Variants in CSGALNACT1 observed in about 807,000 individuals in gnomAD.
CSGALNACT1 encodes beta4GalNAcT-1.
A neutral mutation model predicts 51.0 loss-of-function variants in CSGALNACT1; 52 were observed. The observed-to-expected ratio is 1.02, with a 90% CI of 0.82 to 1.29. The LOEUF is 1.29. CSGALNACT1 is among the 50% of genes most tolerant of loss of function. The pLI is 0.00. For synonymous variants in CSGALNACT1, 341 were observed against 254.4 expected, an observed-to-expected ratio of 1.34 and a Z score of -3.24; for missense variants, 935 against 679.2, an observed-to-expected ratio of 1.38 and a Z score of -4.19.
chr8:19,431,808 TTTTTC>T (rs930229568), intron 6 of CSGALNACT1, among the ~76,000 whole-genome samples: 2 of 112,378 alleles, frequency 1.8e-5, no homozygotes, highest in African/African-American at 5.5e-5. Context: ...GGAAAGTTCT[TTTTTC>T]TTTTTTTTTT....
chr8:19,718,292 G>A (rs1346712225), intron 1 of CSGALNACT1, among the ~76,000 whole-genome samples: 1 of 151,986 alleles, frequency 6.6e-6, no homozygotes, highest in East Asian at 1.9e-4. Flanking sequence ...AGTAGAGATG[G>A]GGTTGTACCA....
rs575813211 is a variant in CSGALNACT1 at position 19,465,677 on chromosome 8, T to G, written c.635-7035A>C. ...GCCGTCTCTCTTCTTCAGGCACTTC[T>G]GTCTTAGAGCTTTAAACTCTCTTCC... On this transcript the variant is annotated intron_variant, in intron 4 of 9. Coordinates refer to ENST00000454498, the Ensembl canonical transcript of CSGALNACT1. 2.5e-3 allele frequency among the ~76,000 whole-genome samples: 375 copies of G among 152,330 alleles called. 2 individuals are homozygous for G. The highest frequency in any genetic ancestry group is 8.6e-3 in the African/African-American group (359 of 41,576).
chr8:19,727,535 G>C (rs1370137923), intron 1 of CSGALNACT1, among the ~76,000 whole-genome samples: 1 of 152,088 alleles, frequency 6.6e-6, no homozygotes, highest in Non-Finnish European at 1.5e-5. Flanking sequence ...ATTTTGTGTA[G>C]AGATGGGGTT....
At chr8:19,742,653 C>T (rs1314920496) in intron 1 of CSGALNACT1, among the ~76,000 whole-genome samples, 2 of 152,176 alleles carry the variant, frequency 1.3e-5, no homozygotes, top group Non-Finnish European at 2.9e-5. Context: ...TAACAATATG[C>T]CAATGAAAAA....
At chr8:19,423,992 CCTG>C (rs770304360) in intron 6 of CSGALNACT1, among the ~76,000 whole-genome samples, 4 of 152,174 alleles carry the variant, frequency 2.6e-5, no homozygotes, top group Non-Finnish European at 4.4e-5. Context: ...CCTCGGCTTG[CCTG>C]TTCTCCCTGC....
Position 19,475,294 on chromosome 8 carries a change from C to T in CSGALNACT1, c.635-16652G>A, listed in dbSNP as rs539015661. Among the ~76,000 whole-genome samples the T allele has an allele frequency of 2.0e-5, 3 of 152,254 alleles. No individual in the cohort carries two copies. The East Asian group carries it at 5.8e-4, about 29-fold the overall frequency. On this transcript the variant is annotated intron_variant, in intron 4 of 9. Coordinates refer to ENST00000454498, the Ensembl canonical transcript of CSGALNACT1. ...TGCAGTAAGACCTGAAGCTGAAGGGCCAAGAAGGCAGCCTGTGAGTCACAT... is the reference window on the plus strand; with the variant it reads ...TGCAGTAAGACCTGAAGCTGAAGGGTCAAGAAGGCAGCCTGTGAGTCACAT...
At chr8:19,720,854 C>T (rs1030104566) in intron 1 of CSGALNACT1, among the ~76,000 whole-genome samples, 2 of 152,192 alleles carry the variant, frequency 1.3e-5, no homozygotes, top group African/African-American at 4.8e-5. Context: ...AACGAAGCCC[C>T]TGATGAAGAA....
intron 4 of CSGALNACT1, among the ~76,000 whole-genome samples, chr8:19,480,550 C>G (rs111519132): frequency 8.1e-4 from 123 of 152,230 alleles, no homozygotes; most frequent in African/African-American, 2.8e-3. Context: ...CATGTCTTCG[C>G]TGTTGTGAGT....
At chr8:19,686,134 G>A (rs941818975), upstream of CSGALNACT1, among the ~76,000 whole-genome samples, 3 of 152,100 alleles carry the variant, frequency 2.0e-5, no homozygotes, top group African/African-American at 7.2e-5. Context: ...GATGGAAATG[G>A]GAACTTCAGG....
At chr8:19,697,594 T>C (rs1028877881) in intron 1 of CSGALNACT1, among the ~76,000 whole-genome samples, 6 of 152,124 alleles carry the variant, frequency 3.9e-5, no homozygotes, top group Admixed American at 3.9e-4. Flanking sequence ...AAATGCTACC[T>C]GGGGAGTGAG....
chr8:19,489,754 C>T (rs1169756455), intron 4 of CSGALNACT1, among the ~76,000 whole-genome samples: 1 of 152,164 alleles, frequency 6.6e-6, no homozygotes, highest in African/African-American at 2.4e-5. Context: ...GACATCTTTC[C>T]TTAGCCCTGT....
At chr8:19,666,098 A>C (rs989573905) in intron 1 of CSGALNACT1, among the ~76,000 whole-genome samples, 1 of 152,202 alleles carries the variant, frequency 6.6e-6, no homozygotes. Context: ...ATCCAGGCAG[A>C]CTTCAAGATT....
At chr8:19,438,762 G>T (rs1328500137) in intron 6 of CSGALNACT1, among the ~76,000 whole-genome samples, 2 of 152,194 alleles carry the variant, frequency 1.3e-5, no homozygotes, top group African/African-American at 4.8e-5. Flanking sequence ...ACAAAATTTG[G>T]CCAGTGGGCT....
chr8:19,576,201 G>C (rs770983510), intron 3 of CSGALNACT1, among the ~76,000 whole-genome samples: 19 of 151,798 alleles, frequency 1.3e-4, no homozygotes, highest in Non-Finnish European at 1.9e-4. Context: ...TTTTTTTGTT[G>C]TCTTGTTTTC....
chr8:19,653,110 C>G lies in CSGALNACT1; in HGVS notation c.-544+29363G>C, dbSNP rs79158524. Among the ~76,000 whole-genome samples, 168 of 152,248 alleles carry G rather than the reference C, an allele frequency of 1.1e-3. 1 individual carries two copies. The highest frequency in any genetic ancestry group is 1.7e-3 in the Non-Finnish European group (116 of 68,006). Reference sequence around the variant, plus strand: ...CTGCCACAGTTCGAACCAACTCCCCCCTCCTAGAATCACTGTCTCTCTTGA... The same window carrying G: ...CTGCCACAGTTCGAACCAACTCCCCGCTCCTAGAATCACTGTCTCTCTTGA... On this transcript the variant is annotated intron_variant, in intron 1 of 9. Transcript: ENST00000332246.
rs148674039 is a variant in CSGALNACT1, at chr8:19,676,084, T to TAAAAAAAAA, written c.-544+6388_-544+6389insTTTTTTTTT. ...CACGATGGATGGTGGTTGTCTGATT[T>TAAAAAAAAA]AAAAAACAAAACAAAACAAAAAAAA... On this transcript the variant is annotated intron_variant, in intron 1 of 9. Coordinates refer to the CSGALNACT1 transcript ENST00000332246. 5.5e-3 allele frequency among the ~76,000 whole-genome samples: 586 copies of TAAAAAAAAA among 105,752 alleles called. 20 individuals are homozygous for TAAAAAAAAA. Among genetic ancestry groups the TAAAAAAAAA allele is most frequent in the East Asian group, 0.02 (71 of 3,584 alleles). 69.4% of individuals were successfully genotyped at this position (105,752 alleles called of 152,430 possible). A position where few individuals can be genotyped will look rare whatever the true frequency, so the allele number is the denominator to read the frequency against.
chr8:19,669,583 C>T (rs145364797), intron 1 of CSGALNACT1, among the ~76,000 whole-genome samples: 48 of 152,286 alleles, frequency 3.2e-4, no homozygotes, highest in Admixed American at 9.2e-4. Flanking sequence ...TCCTGAGTAG[C>T]TGGGATTAAT....
intron 4 of CSGALNACT1, among the ~76,000 whole-genome samples, chr8:19,474,467 T>C (rs530065931): frequency 6.6e-6 from 1 of 152,130 alleles, no homozygotes; most frequent in South Asian, 2.1e-4. Context: ...CTTGCAATCA[T>C]TGTAGGGTCT....
chr8:19,667,028 G>GAAAGA (rs1564386726), intron 1 of CSGALNACT1, among the ~76,000 whole-genome samples: 1 of 27,896 alleles, frequency 3.6e-5, no homozygotes, highest in Non-Finnish European at 6.5e-5. Context: ...AGGAAGGAAG[G>GAAAGA]AAGGAAGGAA....
Sources: allele counts gnomAD v4.1 joint callset (sites outside exome capture counted in the v4.1 genomes callset), GRCh38; gene constraint gnomAD v4.1.1; transcripts MANE v1.5; gene names NCBI Gene and HGNC (gene_info 2026-07-23, HGNC 2026-07-21).